The following SULT1B1 variants were observed in gnomAD, a reference collection of about 807,000 sequenced individuals.
SULT1B1 encodes sulfotransferase 1B1.
A neutral mutation model predicts 34.6 loss-of-function variants in SULT1B1; 28 were observed. The observed-to-expected ratio is 0.81, with a 90% CI of 0.60 to 1.11. The LOEUF (loss-of-function observed/expected upper bound fraction) is 1.11, where lower values mean the gene tolerates loss of function less well. SULT1B1 is among the 50% of genes least tolerant of loss of function. The probability of loss-of-function intolerance (pLI) is 0.00; values close to 1 mark genes in which losing one functional copy is unlikely to be tolerated. For synonymous variants in SULT1B1, 147 were observed against 110.2 expected (o/e 1.33, Z -2.09); for missense variants, 374 against 352.2 (o/e 1.06, Z -0.50).
rs549927791 is a variant in SULT1B1, at chr4:69,725,554, A to C, written c.*1534T>G. ...CCAAAGGATTATAAATCATGCTGCTATAAAGACACATGCACACGTATATTT... is the reference window on the plus strand; with the variant it reads ...CCAAAGGATTATAAATCATGCTGCTCTAAAGACACATGCACACGTATATTT... On this transcript the variant is annotated 3_prime_UTR_variant, in exon 8 of 8. Transcript: ENST00000310613. 6.6e-6 allele frequency: 1 copy of C among 152,178 alleles called. No homozygotes were observed. Among genetic ancestry groups the C allele is most frequent in the Non-Finnish European group, 1.5e-5 (1 of 68,024 alleles). 9.4% of individuals were successfully genotyped at this position (152,178 alleles called of 1,614,324 possible). A position where few individuals can be genotyped will look rare whatever the true frequency, so the allele number is the denominator to read the frequency against.
In SULT1B1 at chr4:69,726,033, C is replaced by CATATATAT. The variant is rs756017821; in HGVS notation, c.*1047_*1054dup. The CATATATAT allele has an allele frequency of 6.3e-3, 182 of 29,030 alleles. 19 individuals carry two copies. The highest frequency in any genetic ancestry group is 9.3e-3 in the Non-Finnish European group (111 of 11,972). 1.8% of individuals were successfully genotyped at this position (29,030 alleles called of 1,614,324 possible). On this transcript the variant is annotated 3_prime_UTR_variant, in exon 8 of 8. Transcript: ENST00000310613. ...ACTTAAAGTATAATAATAAAATGTA[C>CATATATAT]ATATATATATATATATATATATATA...
intron 4 of SULT1B1, among the ~76,000 whole-genome samples, chr4:69,741,424 G>A (rs1718544739): frequency 1.3e-5 from 2 of 152,142 alleles, no homozygotes; most frequent in Non-Finnish European, 2.9e-5. Context: ...TGTGAAGAAT[G>A]TAATTAGTAA....
At chr4:69,728,865 A>T (rs927479431) in intron 7 of SULT1B1, among the ~76,000 whole-genome samples, 5 of 152,036 alleles carry the variant, frequency 3.3e-5, no homozygotes, top group African/African-American at 1.2e-4. Flanking sequence ...TAATGTATTC[A>T]GGGAATGGTG....
At chr4:69,757,900 C>A (rs550486157) in intron 1 of SULT1B1, among the ~76,000 whole-genome samples, 1 of 152,264 alleles carries the variant, frequency 6.6e-6, no homozygotes, top group Admixed American at 6.5e-5. Flanking sequence ...AATGGAGAAG[C>A]AGTCTCAAAA....
chr4:69,731,778 A>G (rs1020827589), intron 6 of SULT1B1, among the ~76,000 whole-genome samples: 1 of 152,218 alleles, frequency 6.6e-6, no homozygotes, highest in Non-Finnish European at 1.5e-5. Flanking sequence ...TAAAAAGGTA[A>G]CCGGTTAGAC....
At chr4:69,738,900 A>G (rs2089075) in intron 4 of SULT1B1, among the ~76,000 whole-genome samples, 44,803 of 152,054 alleles carry the variant, frequency 0.29, 7,687 homozygotes, top group South Asian at 0.45. Context: ...AATGGTTGAA[A>G]CAAAAGGGGC....
intron 7 of SULT1B1, among the ~76,000 whole-genome samples, chr4:69,728,813 T>C (rs1470225184): frequency 6.6e-6 from 1 of 152,100 alleles, no homozygotes; most frequent in Non-Finnish European, 1.5e-5. Flanking sequence ...TATTATATTA[T>C]CTATTTTGCC....
chr4:69,756,960 G>GACACACACACACACACACAGAC, intron 1 of SULT1B1, among the ~76,000 whole-genome samples: 1 of 147,994 alleles, frequency 6.8e-6, no homozygotes, highest in South Asian at 2.1e-4. Context: ...CACCCTCACA[G>GACACACACACACACACACAGAC]ACACACACAC....
chr4:69,759,685 G>C (rs766838540), intron 1 of SULT1B1, among the ~76,000 whole-genome samples: 3 of 152,112 alleles, frequency 2.0e-5, no homozygotes, highest in Non-Finnish European at 4.4e-5. Context: ...AATTAAACTA[G>C]ATATGCTGAA....
At chr4:69,753,238 C>T (rs572329483) in intron 3 of SULT1B1, among the ~76,000 whole-genome samples, 1 of 152,290 alleles carries the variant, frequency 6.6e-6, no homozygotes, top group South Asian at 2.1e-4. Context: ...GCGAATGGTT[C>T]CATAGTCCAC....
intron 4 of SULT1B1, among the ~76,000 whole-genome samples, chr4:69,748,224 A>G (rs1024727064): frequency 6.6e-6 from 1 of 152,196 alleles, no homozygotes; most frequent in Admixed American, 6.5e-5. Flanking sequence ...AGTAAAAACT[A>G]GGAGTGGCTA....
intron 7 of SULT1B1, 73 bp downstream of exon 7, chr4:69,730,428 C>T: frequency 7.2e-7 from 1 of 1,387,072 alleles, no homozygotes; most frequent in Non-Finnish European, 9.9e-7. Flanking sequence ...GTAGAGATCA[C>T]AGAACTAATC....
intron 4 of SULT1B1, among the ~76,000 whole-genome samples, chr4:69,735,462 T>A (rs980955863): frequency 1.1e-4 from 16 of 152,230 alleles, no homozygotes; most frequent in African/African-American, 3.9e-4. Context: ...GTAATGGCAA[T>A]GAAGTACTGG....
chr4:69,745,645 G>T (rs1157674737), intron 4 of SULT1B1, among the ~76,000 whole-genome samples: 1 of 152,118 alleles, frequency 6.6e-6, no homozygotes, highest in Non-Finnish European at 1.5e-5. Context: ...GCAGAGTTGG[G>T]TCTTGCTTCT....
In SULT1B1 at chr4:69,744,049, G is replaced by T. The variant is rs1383864155; in HGVS notation, c.375+5672C>A. Among the ~76,000 whole-genome samples the T allele has an allele frequency of 7.2e-5, 11 of 152,214 alleles. No individual in the cohort carries two copies. In the East Asian group the frequency reaches 2.1e-3, roughly 29 times the overall value. On this transcript the variant is annotated intron_variant, in intron 4 of 7. Transcript: ENST00000310613. Reference sequence around the variant, plus strand: ...CTGTAACTGTGCCCAGGAGGGTGGGGCTCCTGCCTGCTCCCTGCTTCCGCT... The same window carrying T: ...CTGTAACTGTGCCCAGGAGGGTGGGTCTCCTGCCTGCTCCCTGCTTCCGCT...
At chr4:69,760,150 G>A (rs1719338204) in intron 1 of SULT1B1, 6 of 729,480 alleles carry the variant, frequency 8.2e-6, no homozygotes, top group Non-Finnish European at 1.0e-5. Flanking sequence ...ACTGGATGAA[G>A]GATGGGAGCA....
chr4:69,726,049 T>TAC lies in SULT1B1; in HGVS notation c.*1038_*1039insGT, dbSNP rs1717826021. On this transcript the variant is annotated 3_prime_UTR_variant, in exon 8 of 8. Coordinates refer to ENST00000310613, the MANE Select transcript of SULT1B1 (RefSeq NM_014465.4). ...TAAAATGTACATATATATATATATA[T>TAC]ATATATATATATATATATATATATA... 1 of 79,108 alleles carries TAC rather than the reference T, an allele frequency of 1.3e-5. No individual in the cohort carries two copies. The highest frequency in any genetic ancestry group is 2.4e-5 in the Non-Finnish European group (1 of 42,298). 4.9% of individuals were successfully genotyped at this position (79,108 alleles called of 1,614,324 possible).
At chr4:69,727,338 G>T in intron 7 of SULT1B1, 138 bp from the exon 8 acceptor site, 1 of 505,216 alleles carries the variant, frequency 2.0e-6, no homozygotes, top group Non-Finnish European at 3.2e-6. Flanking sequence ...TCTTTAAATT[G>T]TATTAACCTT....
intron 6 of SULT1B1, 31 bp from the exon 7 acceptor site, chr4:69,730,712 C>T (rs1392204271): frequency 1.3e-6 from 2 of 1,572,028 alleles, no homozygotes; most frequent in African/African-American, 1.4e-5. Flanking sequence ...AGACAATAAA[C>T]AAGTAACTCA....
Sources: gnomAD v4.1 joint callset for allele counts (sites outside exome capture counted in the v4.1 genomes callset) on GRCh38, gnomAD v4.1.1 for gene constraint, MANE v1.5 for transcripts, NCBI Gene and HGNC (gene_info 2026-07-23, HGNC 2026-07-21) for gene names.